The following PCDHA2 variants were observed in gnomAD, a reference collection of about 807,000 sequenced individuals.
PCDHA2 encodes protocadherin alpha-2.
A neutral mutation model predicts 66.0 loss-of-function variants in PCDHA2; 58 were observed. The observed-to-expected ratio is 0.88, with a 90% CI of 0.71 to 1.09. The LOEUF (loss-of-function observed/expected upper bound fraction) is 1.09, where lower values mean the gene tolerates loss of function less well. Ranked by LOEUF, PCDHA2 falls within the 50% of genes least tolerant of loss-of-function variation. The pLI, the probability that PCDHA2 is intolerant of heterozygous loss-of-function variation, is 0.00. For missense variants in PCDHA2, 1,267 were observed against 1,242.3 expected, an observed-to-expected ratio of 1.02 and a Z score of -0.30; for synonymous variants, 634 against 554.0, an observed-to-expected ratio of 1.14 and a Z score of -2.03.
chr5:140,973,554 C>T (rs897513375), intron 1 of PCDHA2, among the ~76,000 whole-genome samples: 3 of 152,316 alleles, frequency 2.0e-5, no homozygotes, highest in Admixed American at 6.5e-5. Flanking sequence ...TTTCAATTAC[C>T]TCTTTCCTCA....
At chr5:140,929,557 A>AT (rs2086230665) in intron 1 of PCDHA2, 1 of 478,260 alleles carries the variant, frequency 2.1e-6, no homozygotes, top group Non-Finnish European at 3.6e-6. Flanking sequence ...ATTAAAACCT[A>AT]TTTAAGAACA....
chr5:140,822,689 G>A (rs2150118591), intron 1 of PCDHA2: 13 of 1,609,572 alleles, frequency 8.1e-6, no homozygotes. Flanking sequence ...AAAGTTAACG[G>A]GGAACTGGAT....
chr5:140,927,682 T>C, intron 1 of PCDHA2: 1 of 1,613,992 alleles, frequency 6.2e-7, no homozygotes, highest in Non-Finnish European at 8.5e-7. Flanking sequence ...AGATGAAGGG[T>C]CCAATGGGGA....
At chr5:140,896,657 A>G (rs1554187043) in intron 1 of PCDHA2, among the ~76,000 whole-genome samples, 1 of 152,010 alleles carries the variant, frequency 6.6e-6, no homozygotes, top group East Asian at 1.9e-4. Flanking sequence ...TATTACAGGC[A>G]TGAGTCACTG....
intron 1 of PCDHA2, among the ~76,000 whole-genome samples, chr5:140,909,595 A>G (rs1336934015): frequency 6.6e-6 from 1 of 151,976 alleles, no homozygotes; most frequent in Non-Finnish European, 1.5e-5. Context: ...TTGATTTACT[A>G]TTTTTCTAGG....
At chr5:140,830,806 AT>A (rs1554133024) in intron 1 of PCDHA2, 1 of 158,086 alleles carries the variant, frequency 6.3e-6, no homozygotes, top group African/African-American at 2.4e-5. Flanking sequence ...TGGGATTTTC[AT>A]TTGTTTGCCT....
At chr5:140,876,395 T>G in intron 1 of PCDHA2, 1 of 1,613,920 alleles carries the variant, frequency 6.2e-7, no homozygotes, top group Non-Finnish European at 8.5e-7. Flanking sequence ...TATGGTGAAC[T>G]GGATTTTGAA....
At chr5:140,970,815 A>G (rs782758365) in intron 1 of PCDHA2, among the ~76,000 whole-genome samples, 2 of 152,114 alleles carry the variant, frequency 1.3e-5, no homozygotes, top group Non-Finnish European at 2.9e-5. Flanking sequence ...TTTCAAGTTC[A>G]TGGTAATCTT....
chr5:140,894,554 G>GAAA (rs1204407145), intron 1 of PCDHA2, among the ~76,000 whole-genome samples: 2 of 151,600 alleles, frequency 1.3e-5, no homozygotes, highest in African/African-American at 4.8e-5. Context: ...GTTTACTTCT[G>GAAA]AAAAAATTAT....
At chr5:140,956,554 G>C (rs546505112) in intron 1 of PCDHA2, among the ~76,000 whole-genome samples, 1 of 152,318 alleles carries the variant, frequency 6.6e-6, no homozygotes, top group East Asian at 1.9e-4. Flanking sequence ...TGGTTTGCCA[G>C]TATCTTATTG....
In PCDHA2 at chr5:140,883,374, T is replaced by G. The variant is rs1554177931; in HGVS notation, c.2388+86022T>G. The G allele has an allele frequency of 2.5e-6, 4 of 1,614,054 alleles. No individual in the cohort carries two copies. The African/African-American group carries it at 5.3e-5, about 22-fold the overall frequency. On this transcript the variant is annotated intron_variant, in intron 1 of 3. Transcript: ENST00000526136. ...GAAGACACTCAGCCTAGCGCCATTA[T>G]TGCCCTAATCAGTGTGTCCGATCGT...
intron 1 of PCDHA2, among the ~76,000 whole-genome samples, chr5:140,913,435 C>T (rs2153526525): frequency 6.6e-6 from 1 of 152,202 alleles, no homozygotes; most frequent in South Asian, 2.1e-4. Context: ...GTAATGCCTC[C>T]TTTTTCAGCT....
At chr5:140,823,585 G>T in intron 1 of PCDHA2, 1 of 1,614,018 alleles carries the variant, frequency 6.2e-7, no homozygotes, top group Non-Finnish European at 8.5e-7. Flanking sequence ...GGGCTACAAC[G>T]CTTGGCTTTC....
chr5:140,837,669 T>C (rs1554136589), intron 1 of PCDHA2, among the ~76,000 whole-genome samples: 1 of 151,640 alleles, frequency 6.6e-6, no homozygotes, highest in African/African-American at 2.4e-5. Context: ...CTTTCATTCT[T>C]TTTCTTTTTT....
At chr5:140,832,741 C>T (rs1477110560) in intron 1 of PCDHA2, among the ~76,000 whole-genome samples, 7 of 152,038 alleles carry the variant, frequency 4.6e-5, no homozygotes, top group African/African-American at 1.4e-4. Context: ...TACATAAATA[C>T]GATGATAGTA....
chr5:140,811,615 A>G (rs2126630060), intron 1 of PCDHA2: 1 of 152,346 alleles, frequency 6.6e-6, no homozygotes, highest in South Asian at 2.1e-4. Flanking sequence ...CACTCCCACC[A>G]ACGGTGTAAA....
At chr5:140,900,498 A>G (rs1554189212) in intron 1 of PCDHA2, among the ~76,000 whole-genome samples, 1 of 152,172 alleles carries the variant, frequency 6.6e-6, no homozygotes, top group Non-Finnish European at 1.5e-5. Context: ...ACTGGTCTCA[A>G]ATTCCCAGCC....
At chr5:140,932,728 T>C (rs2088582843) in intron 1 of PCDHA2, among the ~76,000 whole-genome samples, 1 of 151,886 alleles carries the variant, frequency 6.6e-6, no homozygotes, top group African/African-American at 2.4e-5. Context: ...TTGTATAATA[T>C]AGACCCTCAA....
At chr5:140,824,186 A>G in intron 1 of PCDHA2, 1 of 1,603,756 alleles carries the variant, frequency 6.2e-7, no homozygotes, top group Non-Finnish European at 8.5e-7. Flanking sequence ...ATTAAATGTC[A>G]CATTCACCCA....
Sources: gnomAD v4.1 joint callset for allele counts (sites outside exome capture counted in the v4.1 genomes callset) on GRCh38, gnomAD v4.1.1 for gene constraint, MANE v1.5 for transcripts, NCBI Gene and HGNC (gene_info 2026-07-23, HGNC 2026-07-21) for gene names.